Variants in MIPOL1 observed in about 807,000 individuals in gnomAD.
The protein encoded by MIPOL1 is mirror-image polydactyly gene 1 protein.
In MIPOL1, 57 loss-of-function variants were observed where a neutral mutation model predicts 60.9. The observed-to-expected ratio is 0.94, with a 90% CI of 0.76 to 1.17. The LOEUF (loss-of-function observed/expected upper bound fraction) is 1.17, where lower values mean the gene tolerates loss of function less well. Ranked by LOEUF, MIPOL1 falls within the 50% of genes most tolerant of loss-of-function variation. The probability of loss-of-function intolerance (pLI) is 0.00; values close to 1 mark genes in which losing one functional copy is unlikely to be tolerated. For synonymous variants in MIPOL1, 179 were observed against 168.8 expected (o/e 1.06, Z -0.47); for missense variants, 551 against 511.6 (o/e 1.08, Z -0.74).
chr14:37,256,339 A>T (rs1334665276), intron 3 of MIPOL1, among the ~76,000 whole-genome samples: 1 of 151,900 alleles, frequency 6.6e-6, no homozygotes. Flanking sequence ...TGTAGTCCTT[A>T]AGGTTTCAGG....
chr14:37,364,121 C>T (rs1429071281), intron 9 of MIPOL1, among the ~76,000 whole-genome samples: 1 of 152,240 alleles, frequency 6.6e-6, no homozygotes, highest in Non-Finnish European at 1.5e-5. Flanking sequence ...CCTGCTTTGG[C>T]TTACCCACTG....
At position 37,524,411 on chromosome 14, in the gene MIPOL1, G is replaced by C. The variant is rs1421059277; in HGVS notation, c.1263-22494G>C. ...ATTGTCTTGAACAGTCTGATAAATG[G>C]GAATACCATTTACTGAGATTTGGAA... On this transcript the variant is annotated intron_variant, in intron 12 of 12. Transcript: ENST00000684589. Among the ~76,000 whole-genome samples the C allele has an allele frequency of 2.0e-5, 3 of 151,980 alleles. No homozygotes were observed. In the East Asian group the frequency reaches 5.8e-4, roughly 29 times the overall value.
chr14:37,207,852 A>G (rs1393192583), intron 1 of MIPOL1, among the ~76,000 whole-genome samples: 1 of 152,266 alleles, frequency 6.6e-6, no homozygotes, highest in South Asian at 2.1e-4. Context: ...GGCTGAGGGC[A>G]TGCTATTTTT....
chr14:37,313,590 C>T (rs1482332388), intron 9 of MIPOL1, among the ~76,000 whole-genome samples: 1 of 151,936 alleles, frequency 6.6e-6, no homozygotes, highest in Non-Finnish European at 1.5e-5. Context: ...ACCACATGGA[C>T]CACTCAAAAC....
Position 37,369,554 on chromosome 14 carries a change from A to G in MIPOL1, c.866A>G (p.Glu289Gly). The G allele has an allele frequency of 4.3e-6, 7 of 1,613,548 alleles. No homozygotes were observed. Among genetic ancestry groups the G allele is most frequent in the Non-Finnish European group, 5.9e-6 (7 of 1,179,606 alleles). Residue 289 changes from glutamate to glycine, a missense_variant, in exon 10 of 13, where the codon GAG becomes GGG. Glu to Gly is a moderately conservative substitution (Grantham distance 98). Transcript: ENST00000684589. Reference sequence around the variant, plus strand: ...GAGCAGGAGCTTCATCATGTGAAAGAGCAGAACCAGACTTCAGCAAACAAC... The same window carrying G: ...GAGCAGGAGCTTCATCATGTGAAAGGGCAGAACCAGACTTCAGCAAACAAC... ...RLEQELHHVK[E>G]QNQTSANNMR...
At chr14:37,504,689 TAAAAG>T (rs1392824411) in intron 12 of MIPOL1, 1 of 151,894 alleles carries the variant, frequency 6.6e-6, no homozygotes, top group Non-Finnish European at 1.5e-5. Flanking sequence ...CCATCACAAT[TAAAAG>T]AACTGAGAAG....
At chr14:37,241,571 T>A in intron 1 of MIPOL1, among the ~76,000 whole-genome samples, 1 of 13,338 alleles carries the variant, frequency 7.5e-5, no homozygotes, top group African/African-American at 3.1e-4. Context: ...TGCGGCAGGG[T>A]GTGGGGGTGA....
chr14:37,334,111 A>C (rs1252548448), intron 9 of MIPOL1, among the ~76,000 whole-genome samples: 2 of 152,094 alleles, frequency 1.3e-5, no homozygotes, highest in Non-Finnish European at 2.9e-5. Context: ...AAATTTAGAA[A>C]AAATATAATA....
intron 11 of MIPOL1, among the ~76,000 whole-genome samples, chr14:37,492,318 A>AT (rs573020801): frequency 6.6e-6 from 1 of 152,318 alleles, no homozygotes; most frequent in East Asian, 1.9e-4. Context: ...AAACCTGCCC[A>AT]TTTTTTAAAA....
At chr14:37,344,203 T>G (rs2090775448) in intron 9 of MIPOL1, among the ~76,000 whole-genome samples, 1 of 152,098 alleles carries the variant, frequency 6.6e-6, no homozygotes, top group African/African-American at 2.4e-5. Context: ...CACCTCTTTC[T>G]TTTGAATCTA....
chr14:37,399,360 C>G (rs1275520749), intron 10 of MIPOL1, among the ~76,000 whole-genome samples: 1 of 152,144 alleles, frequency 6.6e-6, no homozygotes, highest in Non-Finnish European at 1.5e-5. Flanking sequence ...ATCTCCTTCT[C>G]CAGTATGTCC....
chr14:37,242,825 G>A (rs1003007936), intron 1 of MIPOL1, among the ~76,000 whole-genome samples: 1 of 152,196 alleles, frequency 6.6e-6, no homozygotes, highest in Non-Finnish European at 1.5e-5. Flanking sequence ...GAAGGCAGTA[G>A]TGCAGGTAAT....
At chr14:37,244,543 A>T (rs987237204) in intron 1 of MIPOL1, among the ~76,000 whole-genome samples, 1 of 150,436 alleles carries the variant, frequency 6.6e-6, no homozygotes, top group Admixed American at 6.7e-5. Context: ...GTTATAGTAG[A>T]GTTTTTTTTT....
At chr14:37,318,748 A>G (rs2088212326) in intron 9 of MIPOL1, among the ~76,000 whole-genome samples, 1 of 152,042 alleles carries the variant, frequency 6.6e-6, no homozygotes, top group Non-Finnish European at 1.5e-5. Flanking sequence ...GATTTTTCAC[A>G]TTGATTTGAC....
intron 11 of MIPOL1, among the ~76,000 whole-genome samples, chr14:37,476,297 G>T (rs1304531095): frequency 2.6e-5 from 4 of 151,936 alleles, no homozygotes; most frequent in East Asian, 1.9e-4. Flanking sequence ...TGTTTGTTTG[G>T]TTGGTTGGTT....
intron 9 of MIPOL1, among the ~76,000 whole-genome samples, chr14:37,363,390 A>G (rs945889619): frequency 6.6e-6 from 1 of 151,950 alleles, no homozygotes; most frequent in Non-Finnish European, 1.5e-5. Context: ...GGTCCATTGG[A>G]GTTTGCTGGA....
chr14:37,398,634 G>A (rs965680625), intron 10 of MIPOL1, among the ~76,000 whole-genome samples: 9 of 152,130 alleles, frequency 5.9e-5, no homozygotes, highest in Admixed American at 1.3e-4. Flanking sequence ...ACAGTTTTGC[G>A]TATTTTGGGA....
At chr14:37,231,099 T>G (rs915515073) in intron 1 of MIPOL1, among the ~76,000 whole-genome samples, 5 of 152,038 alleles carry the variant, frequency 3.3e-5, no homozygotes, top group Admixed American at 2.0e-4. Flanking sequence ...ATTAGTATTA[T>G]TATTATTATT....
At chr14:37,512,255 T>C (rs2095334035) in intron 12 of MIPOL1, among the ~76,000 whole-genome samples, 1 of 147,658 alleles carries the variant, frequency 6.8e-6, no homozygotes, top group African/African-American at 2.5e-5. Flanking sequence ...ACAAAGAAAT[T>C]GTGAATTCTC....
Sources: allele counts gnomAD v4.1 joint callset (sites outside exome capture counted in the v4.1 genomes callset), GRCh38; gene constraint gnomAD v4.1.1; transcripts MANE v1.5; gene names NCBI Gene and HGNC (gene_info 2026-07-23, HGNC 2026-07-21).